SMARCAD1: variants seen among roughly 807,000 people sequenced by gnomAD.
SMARCAD1 encodes SWI/SNF-related matrix-associated actin-dependent regulator of chromatin subfamily A containing DEAD/H box 1.
Under a neutral mutation model 127.1 loss-of-function variants are expected in SMARCAD1, and 25 were observed. That is an observed-to-expected ratio of 0.20 (90% CI 0.14 to 0.27). SMARCAD1 has a LOEUF of 0.27. Among genes scored for constraint, SMARCAD1 ranks in the 10% least tolerant of loss-of-function variants. SMARCAD1 has a pLI of 1.00. For synonymous variants in SMARCAD1, 400 were observed against 396.9 expected (o/e 1.01, Z -0.09); for missense variants, 807 against 1,206.0 (o/e 0.67, Z 4.90).
chr4:94,245,933 T>TG (rs1748341697), intron 6 of SMARCAD1, among the ~76,000 whole-genome samples: 1 of 152,130 alleles, frequency 6.6e-6, no homozygotes, highest in Admixed American at 6.5e-5. Context: ...TTTAAAACTC[T>TG]CTAAAACGAT....
At chr4:94,216,001 T>C (rs1016409476) in intron 2 of SMARCAD1, among the ~76,000 whole-genome samples, 1 of 152,166 alleles carries the variant, frequency 6.6e-6, no homozygotes, top group African/African-American at 2.4e-5. Context: ...CCGGGTAGCT[T>C]ATAAGCAATA....
chr4:94,217,331 ATGTT>A (rs1254394368), intron 2 of SMARCAD1, among the ~76,000 whole-genome samples: 11 of 152,144 alleles, frequency 7.2e-5, no homozygotes, highest in Non-Finnish European at 1.0e-4. Flanking sequence ...TAAAATTCCC[ATGTT>A]TGTTTGCATC....
At chr4:94,219,004 G>T (rs984557388) in intron 2 of SMARCAD1, among the ~76,000 whole-genome samples, 16 of 151,968 alleles carry the variant, frequency 1.1e-4, no homozygotes, top group African/African-American at 3.9e-4. Flanking sequence ...TAGGGACAGG[G>T]TTTCACCATG....
At chr4:94,243,344 C>A (rs578071105) in intron 6 of SMARCAD1, among the ~76,000 whole-genome samples, 39 of 152,294 alleles carry the variant, frequency 2.6e-4, no homozygotes, top group Admixed American at 9.8e-4. Flanking sequence ...TCTGCACATG[C>A]AATTTATTTG....
intron 6 of SMARCAD1, among the ~76,000 whole-genome samples, chr4:94,243,204 G>A (rs1412217644): frequency 1.3e-5 from 2 of 152,180 alleles, no homozygotes; most frequent in African/African-American, 4.8e-5. Flanking sequence ...CTCTCCAAGT[G>A]CTGGGATTAC....
chr4:94,226,049 T>C (rs1744932325), intron 2 of SMARCAD1, 70 bp from the exon 3 acceptor site: 1 of 1,261,914 alleles, frequency 7.9e-7, no homozygotes, highest in Non-Finnish European at 1.1e-6. Context: ...TTTTAGCACA[T>C]GATTATAACT....
At chr4:94,265,622 T>C (rs1401724677) in intron 10 of SMARCAD1, among the ~76,000 whole-genome samples, 1 of 151,830 alleles carries the variant, frequency 6.6e-6, no homozygotes, top group Non-Finnish European at 1.5e-5. Context: ...GTGTTGAACT[T>C]CCTTTAAAAG....
Position 94,252,755 on chromosome 4 carries a change from A to C in SMARCAD1, c.1029A>C (p.Lys343Asn), listed in dbSNP as rs779946891. The C allele has an allele frequency of 6.2e-7, 1 of 1,609,390 alleles. No individual in the cohort carries two copies. The highest frequency in any genetic ancestry group is 1.1e-5 in the South Asian group (1 of 88,994). Residue 343 changes from lysine (K) to asparagine (N), a missense_variant, in exon 9 of 24, where the codon AAA becomes AAC. Around this residue, in one of 8 missense-constraint regions of SMARCAD1, gnomAD observed 257 missense variants for 303.4 expected, o/e 0.85. Transcript: ENST00000354268. ...SMKAQNGFNK[K>N]RKKNVFNPKR... ...AAGCACAAAATGGCTTTAACAAGAA[A>C]CGTAAAAAAAATGTTTTTAATCCAA...
At chr4:94,268,026 G>C (rs1381372419) in intron 10 of SMARCAD1, among the ~76,000 whole-genome samples, 5 of 152,092 alleles carry the variant, frequency 3.3e-5, no homozygotes, top group Admixed American at 3.3e-4. Context: ...TTTACATGCT[G>C]AGAAAGGATC....
At chr4:94,224,071 A>G (rs960957211) in intron 2 of SMARCAD1, among the ~76,000 whole-genome samples, 2 of 152,178 alleles carry the variant, frequency 1.3e-5, no homozygotes, top group Non-Finnish European at 2.9e-5. Context: ...CTTACTATAT[A>G]GGAGTTTGGA....
chr4:94,230,410 A>T (rs974973358), intron 3 of SMARCAD1, among the ~76,000 whole-genome samples: 1 of 151,796 alleles, frequency 6.6e-6, no homozygotes, highest in African/African-American at 2.4e-5. Context: ...AATTTTTATT[A>T]TTTTTTGCAA....
chr4:94,261,280 G>A (rs903831197), intron 9 of SMARCAD1, among the ~76,000 whole-genome samples: 1 of 152,122 alleles, frequency 6.6e-6, no homozygotes, highest in African/African-American at 2.4e-5. Flanking sequence ...AATCTTCACA[G>A]TACACATTTT....
intron 9 of SMARCAD1, among the ~76,000 whole-genome samples, chr4:94,258,577 A>G (rs1750473054): frequency 6.6e-6 from 1 of 152,006 alleles, no homozygotes; most frequent in African/African-American, 2.4e-5. Context: ...TGTCTCTCTC[A>G]TTTTGAGTCT....
rs1156910586 is a variant in SMARCAD1 at position 94,287,748 on chromosome 4, TA to T, written c.3020-1723del. ...TTTTCATTAACTTCCCTTAATGTATTAATTGTATTAATACATTTTTTACCTT... is the reference window on the plus strand; with the variant it reads ...TTTTCATTAACTTCCCTTAATGTATTATTGTATTAATACATTTTTTACCTT... On this transcript the variant is annotated intron_variant, in intron 23 of 23. Transcript: ENST00000354268. 3.9e-5 allele frequency among the ~76,000 whole-genome samples: 6 copies of T among 152,298 alleles called. 1 individual carries two copies. Among genetic ancestry groups the T allele is most frequent in the African/African-American group, 1.4e-4 (6 of 41,562 alleles).
In SMARCAD1 at chr4:94,270,830, TTATTTC is replaced by T; in HGVS notation, c.1572+15_1572+20del. On this transcript the variant is annotated intron_variant, in intron 11 of 23. Transcript: ENST00000354268. ...TGGCAGATGAAATGGTAAGTGTACT[TTATTTC>T]TAAGATTTGTTGTTGAAAGTGTCAT... is the stretch of plus-strand genomic sequence containing the variant. 1.2e-6 allele frequency: 2 copies of T among 1,607,190 alleles called. No individual in the cohort carries two copies. The highest frequency in any genetic ancestry group is 1.7e-6 in the Non-Finnish European group (2 of 1,173,946).
At position 94,276,178 on chromosome 4, in the gene SMARCAD1, C is replaced by A. The variant is rs532447436; in HGVS notation, c.1809-161C>A. 5.3e-5 allele frequency among the ~76,000 whole-genome samples: 8 copies of A among 152,038 alleles called. No individual in the cohort carries two copies. In the South Asian group the frequency reaches 1.2e-3, roughly 24 times the overall value. ...CATCAATAATTATTAAATACAAGTA[C>A]GTCAGTATTTATTTGAGTATCACCC... On this transcript the variant is annotated intron_variant, in intron 14 of 23. Coordinates refer to ENST00000354268, the MANE Select transcript of SMARCAD1 (RefSeq NM_020159.5).
intron 3 of SMARCAD1, among the ~76,000 whole-genome samples, chr4:94,231,158 T>G (rs964379755): frequency 1.3e-5 from 2 of 152,070 alleles, no homozygotes; most frequent in Non-Finnish European, 2.9e-5. Context: ...TGGAGGAGAA[T>G]GGGGTTTTTT....
chr4:94,234,681 G>A (rs1438018857), intron 4 of SMARCAD1, among the ~76,000 whole-genome samples: 4 of 152,200 alleles, frequency 2.6e-5, no homozygotes, highest in African/African-American at 4.8e-5. Flanking sequence ...GTTTTAGGTA[G>A]AGAATAAATT....
intron 23 of SMARCAD1, among the ~76,000 whole-genome samples, 183 bp from the exon 24 acceptor site, chr4:94,289,290 T>C (rs1192328498): frequency 1.3e-5 from 2 of 152,016 alleles, no homozygotes; most frequent in African/African-American, 4.8e-5. Flanking sequence ...AACAAGAACA[T>C]AGAGGAAATA....
Sources: gnomAD v4.1 joint callset for allele counts (sites outside exome capture counted in the v4.1 genomes callset) on GRCh38, gnomAD v4.1.1 for gene constraint, gnomAD v4.1.1 regional missense constraint, MANE v1.5 for transcripts, NCBI Gene and HGNC (gene_info 2026-07-23, HGNC 2026-07-21) for gene names.